Variants in GRM7 observed in about 807,000 individuals in gnomAD.
The protein encoded by GRM7 is glutamate metabotropic receptor 7, also known as metabotropic glutamate receptor 7.
Under a neutral mutation model 84.5 loss-of-function variants are expected in GRM7, and 35 were observed. The ratio of observed to expected loss-of-function variants is 0.41; its 90% CI spans 0.32 to 0.55. The LOEUF (loss-of-function observed/expected upper bound fraction) is 0.55. Ranked by LOEUF, GRM7 falls within the 20% of genes least tolerant of loss-of-function variation. GRM7 has a pLI of 0.19. For missense variants in GRM7, 1,003 were observed against 1,194.6 expected, an observed-to-expected ratio of 0.84 and a Z score of 2.36; for synonymous variants, 487 against 455.1, an observed-to-expected ratio of 1.07 and a Z score of -0.89.
At position 6,987,479 on chromosome 3, in the gene GRM7, G is replaced by A. The variant is rs147668543; in HGVS notation, c.519+125572G>A. 5.1e-4 allele frequency among the ~76,000 whole-genome samples: 77 copies of A among 152,058 alleles called. 1 individual carries two copies. Among genetic ancestry groups the A allele is most frequent in the African/African-American group, 1.8e-3 (75 of 41,470 alleles). ...ACAAGGTGGTCAGAGAAGACCTCTC[G>A]AAGACATGGGTTGTGACTTCGGTAA... On this transcript the variant is annotated intron_variant, in intron 1 of 9. Coordinates refer to ENST00000357716, the MANE Select transcript of GRM7 (RefSeq NM_000844.4).
At chr3:7,328,648 T>C (rs2125062990) in intron 4 of GRM7, among the ~76,000 whole-genome samples, 1 of 152,276 alleles carries the variant, frequency 6.6e-6, no homozygotes, top group South Asian at 2.1e-4. Context: ...GCCCTAGACT[T>C]TCTGCTTTTG....
Position 6,950,412 on chromosome 3 carries a change from C to T in GRM7, c.519+88505C>T, listed in dbSNP as rs562753824. The stretch of plus-strand genomic sequence containing the variant: ...AAATGCTGCTACCTGATCGTTCCTC[C>T]GGAAATTTTGTCTCAGAGGAGTACC... On this transcript the variant is annotated intron_variant, in intron 1 of 9. Coordinates refer to ENST00000357716, the MANE Select transcript of GRM7 (RefSeq NM_000844.4). 2.8e-4 allele frequency among the ~76,000 whole-genome samples: 42 copies of T among 152,264 alleles called. 1 individual carries two copies. Among genetic ancestry groups the T allele is most frequent in the South Asian group, 1.9e-3 (9 of 4,830 alleles).
At chr3:7,182,154 C>A (rs1695360322) in intron 2 of GRM7, among the ~76,000 whole-genome samples, 1 of 152,000 alleles carries the variant, frequency 6.6e-6, no homozygotes, top group Admixed American at 6.6e-5. Flanking sequence ...TACCTACCTT[C>A]AACATTCAAG....
At chr3:7,693,742 C>T in intron 9 of GRM7, 1 of 1,067,266 alleles carries the variant, frequency 9.4e-7, no homozygotes, top group Non-Finnish European at 1.4e-6. Context: ...CTACCCAGCC[C>T]ACCAATGAAC....
chr3:7,437,157 C>T (rs1332852091), intron 5 of GRM7, among the ~76,000 whole-genome samples: 1 of 152,184 alleles, frequency 6.6e-6, no homozygotes, highest in African/African-American at 2.4e-5. Flanking sequence ...AACTGCAAAG[C>T]CTATCTCTTC....
At chr3:7,118,202 A>C (rs1272433946) in intron 1 of GRM7, among the ~76,000 whole-genome samples, 2 of 152,104 alleles carry the variant, frequency 1.3e-5, no homozygotes, top group African/African-American at 4.8e-5. Flanking sequence ...CCTGGGTATC[A>C]TAGTGAGACC....
At chr3:7,300,637 C>T (rs1699966042) in intron 3 of GRM7, among the ~76,000 whole-genome samples, 1 of 152,080 alleles carries the variant, frequency 6.6e-6, no homozygotes, top group Non-Finnish European at 1.5e-5. Flanking sequence ...ATCTCCCTCC[C>T]AATTCTGCAT....
intron 1 of GRM7, among the ~76,000 whole-genome samples, chr3:7,087,156 T>C (rs1469435023): frequency 6.6e-6 from 1 of 152,218 alleles, no homozygotes; most frequent in Non-Finnish European, 1.5e-5. Flanking sequence ...TTTCTTCTTA[T>C]GATTAAGAAA....
At chr3:7,476,220 AC>A (rs1440994936) in intron 7 of GRM7, among the ~76,000 whole-genome samples, 2 of 152,120 alleles carry the variant, frequency 1.3e-5, no homozygotes, top group Admixed American at 1.3e-4. Context: ...TTGGGACCTA[AC>A]CCACAGGATT....
chr3:7,244,825 A>G (rs1431576217), intron 2 of GRM7, among the ~76,000 whole-genome samples: 1 of 152,098 alleles, frequency 6.6e-6, no homozygotes, highest in African/African-American at 2.4e-5. Context: ...CAAATGAAGG[A>G]ACAGTCTATA....
At chr3:7,139,196 A>G (rs1316476685) in intron 1 of GRM7, among the ~76,000 whole-genome samples, 1 of 150,692 alleles carries the variant, frequency 6.6e-6, no homozygotes, top group Non-Finnish European at 1.5e-5. Context: ...ATTGGTAAAG[A>G]GAGAAAGAAA....
chr3:7,010,679 A>G (rs940463964), intron 1 of GRM7, among the ~76,000 whole-genome samples: 1 of 152,204 alleles, frequency 6.6e-6, no homozygotes, highest in African/African-American at 2.4e-5. Context: ...ACAGAAACCT[A>G]AAAATCAGGA....
chr3:7,174,305 T>C (rs1285423698), intron 2 of GRM7, among the ~76,000 whole-genome samples: 1 of 152,226 alleles, frequency 6.6e-6, no homozygotes, highest in African/African-American at 2.4e-5. Context: ...CCTAGAGTGA[T>C]ACTTTTATTC....
intron 7 of GRM7, among the ~76,000 whole-genome samples, chr3:7,515,289 C>G (rs1411532794): frequency 1.3e-5 from 2 of 151,774 alleles, no homozygotes; most frequent in African/African-American, 4.8e-5. Context: ...CGTTTTGAGC[C>G]TGATAGTTTT....
intron 9 of GRM7, among the ~76,000 whole-genome samples, chr3:7,708,782 G>A (rs1328291745): frequency 6.6e-6 from 1 of 152,058 alleles, no homozygotes; most frequent in East Asian, 1.9e-4. Context: ...TCCCAGGGAA[G>A]TACCTCCGAT....
rs1698254141 is a variant in GRM7, at chr3:7,080,863, C to A, written c.520-65589C>A. 2.6e-5 allele frequency among the ~76,000 whole-genome samples: 4 copies of A among 152,008 alleles called. No individual in the cohort carries two copies. In the South Asian group the frequency reaches 8.3e-4, roughly 32 times the overall value. ...TTGCGTGTCCTATACTTAGATAAGG[C>A]CTGATATATCATTGATGCTCAAAAT... On this transcript the variant is annotated intron_variant, in intron 1 of 9. Coordinates refer to ENST00000357716, the MANE Select transcript of GRM7 (RefSeq NM_000844.4).
At position 7,740,720 on chromosome 3, in the gene GRM7, C is replaced by G; in HGVS notation, c.*314C>G. 3.9e-6 allele frequency: 1 copy of G among 253,602 alleles called. No individual in the cohort carries two copies. Among genetic ancestry groups the G allele is most frequent in the Non-Finnish European group, 7.4e-6 (1 of 134,252 alleles). 15.7% of individuals were successfully genotyped at this position (253,602 alleles called of 1,614,324 possible). Reference sequence around the variant, plus strand: ...AATGGACCACTGAGAGCCACAGGACCGTTTTGGGGCTGACCTGTCTTATTA... The same window carrying G: ...AATGGACCACTGAGAGCCACAGGACGGTTTTGGGGCTGACCTGTCTTATTA... On this transcript the variant is annotated 3_prime_UTR_variant, in exon 10 of 10. Transcript: ENST00000357716.
At chr3:7,311,637 A>G in intron 4 of GRM7, among the ~76,000 whole-genome samples, 1 of 147,986 alleles carries the variant, frequency 6.8e-6, no homozygotes, top group Admixed American at 6.8e-5. Context: ...TTTGTCACCC[A>G]AGCTGGAATG....
At chr3:6,981,441 A>C (rs1334725716) in intron 1 of GRM7, among the ~76,000 whole-genome samples, 1 of 152,306 alleles carries the variant, frequency 6.6e-6, no homozygotes, top group Admixed American at 6.5e-5. Flanking sequence ...AGGCTCCATG[A>C]GTATCTTCGT....
Sources: gnomAD v4.1 joint callset for allele counts (sites outside exome capture counted in the v4.1 genomes callset) on GRCh38, gnomAD v4.1.1 for gene constraint, MANE v1.5 for transcripts, NCBI Gene and HGNC (gene_info 2026-07-23, HGNC 2026-07-21) for gene names.